CDC14B: variants seen among roughly 807,000 people sequenced by gnomAD.
CDC14B encodes the protein cell division cycle 14B.
Under a neutral mutation model 64.2 loss-of-function variants are expected in CDC14B, and 22 were observed. The observed-to-expected ratio is 0.34, with a 90% CI of 0.24 to 0.49. The LOEUF (loss-of-function observed/expected upper bound fraction) is 0.49, where lower values mean the gene tolerates loss of function less well. Ranked by LOEUF, CDC14B falls within the 20% of genes least tolerant of loss-of-function variation. The probability of loss-of-function intolerance (pLI) is 0.99; values close to 1 mark genes in which losing one functional copy is unlikely to be tolerated. For missense variants in CDC14B, 498 were observed against 629.9 expected (o/e 0.79, Z 2.24); for synonymous variants, 191 against 215.8 (o/e 0.89, Z 1.01).
chr9:96,583,545 C>T (rs925432743), intron 1 of CDC14B, among the ~76,000 whole-genome samples: 3 of 149,488 alleles, frequency 2.0e-5, no homozygotes, highest in African/African-American at 4.9e-5. Flanking sequence ...TACAGGTGCG[C>T]ACCACCACGC....
downstream of CDC14B, among the ~76,000 whole-genome samples, chr9:96,498,869 G>A (rs1396344308): frequency 2.0e-5 from 3 of 152,252 alleles, no homozygotes; most frequent in African/African-American, 4.8e-5. Flanking sequence ...GCCCTGGGCC[G>A]AGTGGCTCTA....
intron 8 of CDC14B, 46 bp downstream of exon 8, chr9:96,534,409 G>T: frequency 7.7e-7 from 1 of 1,306,732 alleles, no homozygotes; most frequent in South Asian, 1.2e-5. Flanking sequence ...ATATAGGATA[G>T]ATATTTTCAA....
chr9:96,594,714 CAAAAAAAAAAAAA>C (rs11414625), intron 1 of CDC14B, among the ~76,000 whole-genome samples: 188 of 42,452 alleles, frequency 4.4e-3, no homozygotes, highest in African/African-American at 0.013. Flanking sequence ...AAGGCTGTCT[CAAAAAAAAAAAAA>C]AAAAAAAAAA....
At chr9:96,594,714 CAAAAAAAAAA>C (rs11414625) in intron 1 of CDC14B, among the ~76,000 whole-genome samples, 3 of 42,416 alleles carry the variant, frequency 7.1e-5, no homozygotes, top group African/African-American at 1.8e-4. Context: ...AAGGCTGTCT[CAAAAAAAAAA>C]AAAAAAAAAA....
At chr9:96,498,698 A>C (rs10991378), downstream of CDC14B, among the ~76,000 whole-genome samples, 1 of 152,194 alleles carries the variant, frequency 6.6e-6, no homozygotes, top group Admixed American at 6.5e-5. Context: ...AATATATGAC[A>C]AAGTAGCGAA....
At chr9:96,496,648 G>A (rs1397491011), downstream of CDC14B, among the ~76,000 whole-genome samples, 1 of 152,212 alleles carries the variant, frequency 6.6e-6, no homozygotes, top group African/African-American at 2.4e-5. Context: ...GGCTGACCCC[G>A]CAATCCAGGC....
At chr9:96,523,138 T>G in intron 11 of CDC14B, 123 bp downstream of exon 11, 1 of 1,066,520 alleles carries the variant, frequency 9.4e-7, no homozygotes, top group Non-Finnish European at 1.4e-6. Context: ...GTTATAAATA[T>G]AAAAAACTGA....
At chr9:96,560,024 A>G (rs1842949261) in intron 4 of CDC14B, among the ~76,000 whole-genome samples, 2 of 152,230 alleles carry the variant, frequency 1.3e-5, no homozygotes, top group African/African-American at 4.8e-5. Context: ...CGACAGCAAC[A>G]AGACTTAAAA....
chr9:96,494,829 C>A (rs916292117), intron 13 of CDC14B, among the ~76,000 whole-genome samples: 1 of 93,494 alleles, frequency 1.1e-5, no homozygotes, highest in African/African-American at 4.7e-5. Flanking sequence ...CCCGTCTCCC[C>A]TCCCCTCCCC....
intron 1 of CDC14B, among the ~76,000 whole-genome samples, chr9:96,592,535 G>A (rs962814953): frequency 2.0e-5 from 3 of 152,138 alleles, no homozygotes; most frequent in African/African-American, 7.2e-5. Flanking sequence ...CAGCAATTTG[G>A]GAGGCCGAGG....
At chr9:96,560,750 C>T (rs1196374583) in intron 4 of CDC14B, among the ~76,000 whole-genome samples, 4 of 147,218 alleles carry the variant, frequency 2.7e-5, no homozygotes. Context: ...GCCTGCCAAA[C>T]TACTCAAACT....
rs538155570 is a variant in CDC14B, at chr9:96,567,870, A to C, written c.161-2387T>G. Among the ~76,000 whole-genome samples, 156 of 152,224 alleles carry C rather than the reference A, an allele frequency of 1.0e-3. 1 individual carries two copies. Among genetic ancestry groups the C allele is most frequent in the Admixed American group, 3.7e-3 (57 of 15,282 alleles). ...AAATGCTTAAGGGGATGGATACCCC[A>C]TTCTCCATGATGTGATTATTGTGCA... On this transcript the variant is annotated intron_variant, in intron 1 of 13. Coordinates refer to ENST00000375241, the MANE Select transcript of CDC14B (RefSeq NM_033331.4).
rs1847837086 is a variant in CDC14B, at chr9:96,619,323, C to T, written c.56G>A (p.Arg19Gln). 2 of 1,296,870 alleles carry T rather than the reference C, an allele frequency of 1.5e-6. No homozygotes were observed. Among genetic ancestry groups the T allele is most frequent in the East Asian group, 2.9e-5 (1 of 34,010 alleles). 80.3% of individuals were successfully genotyped at this position (1,296,870 alleles called of 1,614,324 possible). ...ACCCGGCGAGGTCGACGAGCAGCGC[C>T]GCGAGCAGGGGGGCGCGGCGGCCCA... ...SSWAAAPPCS[R>Q]RCSSTSPGVK... The change falls in exon 1 of 14, where the codon CGG becomes CAG. Residue 19 changes from arginine to glutamine, a missense_variant. Arg to Gln is a conservative substitution (Grantham distance 43). Transcript: ENST00000375241.
At chr9:96,563,529 A>G (rs918079542) in intron 3 of CDC14B, among the ~76,000 whole-genome samples, 1 of 152,092 alleles carries the variant, frequency 6.6e-6, no homozygotes, top group Non-Finnish European at 1.5e-5. Context: ...ACATGCCTGT[A>G]ATCCCAGCTA....
intron 7 of CDC14B, among the ~76,000 whole-genome samples, chr9:96,536,786 C>A (rs970734360): frequency 1.3e-5 from 2 of 152,196 alleles, no homozygotes; most frequent in African/African-American, 4.8e-5. Context: ...CTCAAGGTAA[C>A]TACAGCAGGG....
At chr9:96,574,168 A>G (rs553933668) in intron 1 of CDC14B, among the ~76,000 whole-genome samples, 1 of 152,060 alleles carries the variant, frequency 6.6e-6, no homozygotes, top group Admixed American at 6.5e-5. Context: ...AAGACCAAGA[A>G]GGGGGCTCCT....
intron 1 of CDC14B, among the ~76,000 whole-genome samples, chr9:96,592,630 C>G (rs1228527312): frequency 6.6e-6 from 1 of 151,874 alleles, no homozygotes; most frequent in Non-Finnish European, 1.5e-5. Flanking sequence ...AAAAATTAGT[C>G]AGCATGGTGG....
chr9:96,594,402 G>T (rs921485963), intron 1 of CDC14B, among the ~76,000 whole-genome samples: 1 of 152,156 alleles, frequency 6.6e-6, no homozygotes, highest in Admixed American at 6.6e-5. Context: ...CATAGAACAT[G>T]CAAGTGAGAA....
At chr9:96,529,390 A>G (rs1158590862) in intron 9 of CDC14B, among the ~76,000 whole-genome samples, 1 of 152,064 alleles carries the variant, frequency 6.6e-6, no homozygotes. Context: ...GACCATATAC[A>G]CAAGGATTTA....
Sources: gnomAD v4.1 joint callset for allele counts (sites outside exome capture counted in the v4.1 genomes callset) on GRCh38, gnomAD v4.1.1 for gene constraint, MANE v1.5 for transcripts, NCBI Gene and HGNC (gene_info 2026-07-23, HGNC 2026-07-21) for gene names.